The following SLC6A19 variants were observed in gnomAD, a reference collection of about 807,000 sequenced individuals.
The protein encoded by SLC6A19 is solute carrier family 6 member 19.
Under a neutral mutation model 68.3 loss-of-function variants are expected in SLC6A19, and 67 were observed. The observed-to-expected ratio is 0.98, with a 90% CI of 0.81 to 1.20. The LOEUF (loss-of-function observed/expected upper bound fraction) is 1.20. Ranked by LOEUF, SLC6A19 falls within the 50% of genes most tolerant of loss-of-function variation. The probability of loss-of-function intolerance (pLI) is 0.00; values close to 1 mark genes in which losing one functional copy is unlikely to be tolerated. For missense variants in SLC6A19, 813 were observed against 851.6 expected, an observed-to-expected ratio of 0.95 and a Z score of 0.56; for synonymous variants, 392 against 374.9, an observed-to-expected ratio of 1.05 and a Z score of -0.53.
At position 1,209,534 on chromosome 5, in the gene SLC6A19, AG is replaced by A. The variant is rs1323736717; in HGVS notation, c.343+651del. Among the ~76,000 whole-genome samples, 1 of 151,986 alleles carries A rather than the reference AG, an allele frequency of 6.6e-6. No individual in the cohort carries two copies. Among genetic ancestry groups the A allele is most frequent in the African/African-American group, 2.4e-5 (1 of 41,382 alleles). ...GTCTCCAAGGCCTCCCTCCAGGCCC[AG>A]GGCAGAGCCCACACCCTCTCGCTGA... On this transcript the variant is annotated intron_variant, in intron 2 of 11. Transcript: ENST00000304460. The surrounding 1 kb of genome is among the most constrained non-coding windows in gnomAD (Gnocchi z 5.5).
intron 10 of SLC6A19, among the ~76,000 whole-genome samples, chr5:1,219,895 C>G (rs11746437): frequency 0.17 from 25,215 of 152,196 alleles, 2,183 homozygotes; most frequent in Middle Eastern, 0.24. Context: ...GCCGGGAAGC[C>G]CAGTGGAGCC....
In SLC6A19 at chr5:1,208,597, A is replaced by G. The variant is rs1218217951; in HGVS notation, c.203-149A>G. 36 of 1,056,064 alleles carry G rather than the reference A, an allele frequency of 3.4e-5. No individual in the cohort carries two copies. In the East Asian group the frequency reaches 6.6e-4, roughly 19 times the overall value. The allele number at this position is 1,056,064 out of a possible 1,614,324, so 65.4% of individuals were successfully genotyped here. On this transcript the variant is annotated intron_variant, in intron 1 of 11. Transcript: ENST00000304460. Reference sequence around the variant, plus strand: ...TGGAGTCAGCTCTGGCCCTGATCCCATGGACTGGCTGCTCCATCTCAGCTC... The same window carrying G: ...TGGAGTCAGCTCTGGCCCTGATCCCGTGGACTGGCTGCTCCATCTCAGCTC...
chr5:1,201,702 C>T lies in SLC6A19; in HGVS notation c.52C>T (p.Leu18=). The change falls in exon 1 of 12, where the codon CTG becomes TTG. Residue 18 remains leucine, a synonymous_variant. Coordinates refer to ENST00000304460, the MANE Select transcript of SLC6A19 (RefSeq NM_001003841.3). ...NPGLDARIPS[L]AELETIEQEE... ...CGGCCTAGACGCCCGGATCCCGTCC[C>T]TGGCTGAGCTGGAGACCATCGAGCA... is the stretch of plus-strand genomic sequence containing the variant. 1 of 1,611,912 alleles carries T rather than the reference C, an allele frequency of 6.2e-7. No individual in the cohort carries two copies. Among genetic ancestry groups the T allele is most frequent in the Non-Finnish European group, 8.5e-7 (1 of 1,179,866 alleles).
chr5:1,221,017 G>A, intron 10 of SLC6A19, 134 bp from the exon 11 acceptor site: 1 of 1,092,418 alleles, frequency 9.2e-7, no homozygotes, highest in Non-Finnish European at 1.3e-6. Flanking sequence ...CCAGGAGGGA[G>A]GGATCGGGCC....
Position 1,213,537 on chromosome 5 carries a change from C to A in SLC6A19, c.738C>A (p.Gly246=). Residue 246 remains glycine, a synonymous_variant, in exon 5 of 12, where the codon GGC becomes GGA. Coordinates refer to ENST00000304460, the MANE Select transcript of SLC6A19 (RefSeq NM_001003841.3). ...TCATCCGAGGCCTGACGCTGAAGGG[C>A]GCCACCAATGGCATCGTCTTCCTCT... is the stretch of plus-strand genomic sequence containing the variant. ...IFLIRGLTLK[G]ATNGIVFLFT... 1.2e-6 allele frequency: 2 copies of A among 1,611,452 alleles called. No homozygotes were observed. The highest frequency in any genetic ancestry group is 1.7e-6 in the Non-Finnish European group (2 of 1,179,444).
chr5:1,206,861 T>C (rs2126495000), intron 1 of SLC6A19, among the ~76,000 whole-genome samples: 1 of 152,298 alleles, frequency 6.6e-6, no homozygotes, highest in Admixed American at 6.5e-5. Flanking sequence ...CATGTCGGGA[T>C]CAGGCTCACT....
At chr5:1,220,152 G>C (rs1165682398) in intron 10 of SLC6A19, among the ~76,000 whole-genome samples, 1 of 152,124 alleles carries the variant, frequency 6.6e-6, no homozygotes, top group Non-Finnish European at 1.5e-5. Context: ...GCTCATGACT[G>C]TCATCCCAGC....
chr5:1,208,179 C>A (rs781347187), intron 1 of SLC6A19, among the ~76,000 whole-genome samples: 1 of 152,174 alleles, frequency 6.6e-6, no homozygotes, highest in African/African-American at 2.4e-5. Context: ...AGAACCAAAA[C>A]GGTCCCCATT....
At position 1,216,834 on chromosome 5, in the gene SLC6A19, C is replaced by T. The variant is rs769791520; in HGVS notation, c.1062C>T (p.Asn354=). 1.2e-6 allele frequency: 2 copies of T among 1,613,798 alleles called. No individual in the cohort carries two copies. The highest frequency in any genetic ancestry group is 2.2e-5 in the East Asian group (1 of 44,886). ...LINGFDLPEG[N]VTQENFVDMQ... ...ACGGGTTCGACCTGCCTGAAGGCAA[C>T]GTGACCCAGGAGAACTTTGTGGACA... The change falls in exon 8 of 12, where the codon AAC becomes AAT. Residue 354 remains asparagine (N), a synonymous_variant. Coordinates refer to ENST00000304460, the MANE Select transcript of SLC6A19 (RefSeq NM_001003841.3).
In SLC6A19 at chr5:1,211,190, C is replaced by T. The variant is rs117699231; in HGVS notation, c.481+609C>T. 1.0e-3 allele frequency among the ~76,000 whole-genome samples: 157 copies of T among 152,364 alleles called. No individual in the cohort carries two copies. In the East Asian group the frequency reaches 0.026, roughly 25 times the overall value. On this transcript the variant is annotated intron_variant, in intron 3 of 11. Transcript: ENST00000304460. ...CTGCATGCTGCTGCTCTGTCGGGGC[C>T]GGCAAGATGGCCCCTGGGGTTGGAA...
chr5:1,212,213 C>T lies in SLC6A19; in HGVS notation c.482-90C>T, dbSNP rs765461334. On this transcript the variant is annotated intron_variant, in intron 3 of 11. Coordinates refer to ENST00000304460, the MANE Select transcript of SLC6A19 (RefSeq NM_001003841.3). This position sits in a 1 kb window ranked among gnomAD's most constrained non-coding sequence, Gnocchi z 5.1. ...GTCACTGGTGTCAAGGCCTCTGGAACGTGGCTGGCATTTCTTCCAGCTCAG... is the reference window on the plus strand; with the variant it reads ...GTCACTGGTGTCAAGGCCTCTGGAATGTGGCTGGCATTTCTTCCAGCTCAG... The T allele has an allele frequency of 8.8e-5, 136 of 1,540,420 alleles. 1 individual carries two copies. Among genetic ancestry groups the T allele is most frequent in the South Asian group, 1.7e-4 (15 of 88,916 alleles).
chr5:1,212,742 T>C lies in SLC6A19; in HGVS notation c.663+258T>C, dbSNP rs548258236. On this transcript the variant is annotated intron_variant, in intron 4 of 11. Coordinates refer to ENST00000304460, the MANE Select transcript of SLC6A19 (RefSeq NM_001003841.3). The surrounding 1 kb of genome is among the most constrained non-coding windows in gnomAD (Gnocchi z 5.1). The stretch of plus-strand genomic sequence containing the variant: ...TTGGCCCACACGACACTTAGCGTTA[T>C]GTAGGAGTAATACAAACTACCAGAA... Among the ~76,000 whole-genome samples the C allele has an allele frequency of 3.6e-4, 55 of 152,238 alleles. No individual in the cohort carries two copies. The highest frequency in any genetic ancestry group is 1.1e-3 in the African/African-American group (46 of 41,536).
Position 1,213,510 on chromosome 5 carries a change from C to A in SLC6A19, c.711C>A (p.Phe237Leu), listed in dbSNP as rs1211213351. 1 of 1,607,274 alleles carries A rather than the reference C, an allele frequency of 6.2e-7. No homozygotes were observed. Among genetic ancestry groups the A allele is most frequent in the Admixed American group, 1.7e-5 (1 of 59,574 alleles). ...TGCCCTATGTCGTCCTGACCATCTT[C>A]CTCATCCGAGGCCTGACGCTGAAGG... ...STLPYVVLTI[F>L]LIRGLTLKGA... Residue 237 changes from phenylalanine to leucine, a missense_variant, in exon 5 of 12, where the codon TTC (phenylalanine) becomes TTA (leucine). Phe to Leu is a conservative substitution (Grantham distance 22). Coordinates refer to ENST00000304460, the MANE Select transcript of SLC6A19 (RefSeq NM_001003841.3).
intron 8 of SLC6A19, among the ~76,000 whole-genome samples, chr5:1,218,261 A>G (rs1746261660): frequency 6.6e-6 from 1 of 152,212 alleles, no homozygotes; most frequent in African/African-American, 2.4e-5. Flanking sequence ...GAGTCCTGCC[A>G]TATCCAATCC....
intron 10 of SLC6A19, among the ~76,000 whole-genome samples, chr5:1,220,893 G>T (rs1045840947): frequency 1.3e-5 from 2 of 152,178 alleles, no homozygotes; most frequent in African/African-American, 4.8e-5. Flanking sequence ...CGTGGGTGAG[G>T]GCGGGGCACC....
chr5:1,202,941 G>A (rs527929360), intron 1 of SLC6A19, among the ~76,000 whole-genome samples: 7 of 152,228 alleles, frequency 4.6e-5, no homozygotes, highest in South Asian at 2.1e-4. Flanking sequence ...GAGGCAGGTC[G>A]GGGGACCTTG....
Position 1,212,255 on chromosome 5 carries a change from C to A in SLC6A19, c.482-48C>A, listed in dbSNP as rs1459624960. 1 of 1,609,128 alleles carries A rather than the reference C, an allele frequency of 6.2e-7. No homozygotes were observed. Among genetic ancestry groups the A allele is most frequent in the Non-Finnish European group, 8.5e-7 (1 of 1,179,268 alleles). On this transcript the variant is annotated intron_variant, in intron 3 of 11. Transcript: ENST00000304460. This position sits in a 1 kb window ranked among gnomAD's most constrained non-coding sequence, Gnocchi z 5.1. ...CCAGCTCAGGGCCTTCCATTCTCCT[C>A]CCTTGGGGGACCCGTACCCTGAGGT... is the stretch of plus-strand genomic sequence containing the variant.
intron 8 of SLC6A19, 111 bp from the exon 9 acceptor site, chr5:1,218,792 A>T: frequency 9.0e-7 from 1 of 1,113,694 alleles, no homozygotes; most frequent in Non-Finnish European, 1.3e-6. Flanking sequence ...ATGACAGCTC[A>T]GACCTGCCCG....
chr5:1,207,578 C>T (rs990199775), intron 1 of SLC6A19, among the ~76,000 whole-genome samples: 4 of 152,218 alleles, frequency 2.6e-5, no homozygotes, highest in South Asian at 2.1e-4. Context: ...TCTCTTCTCC[C>T]GGTCCCAGGC....
Sources: allele counts gnomAD v4.1 joint callset (sites outside exome capture counted in the v4.1 genomes callset), GRCh38; gene constraint gnomAD v4.1.1; non-coding constraint Gnocchi (gnomAD v3.1); transcripts MANE v1.5; gene names NCBI Gene and HGNC (gene_info 2026-07-23, HGNC 2026-07-21).